Variants in METTL15 observed in about 807,000 individuals in gnomAD.
METTL15 encodes the protein 12S rRNA N(4)-cytidine methyltransferase METTL15.
Under a neutral mutation model 38.3 loss-of-function variants are expected in METTL15, and 34 were observed. That is an observed-to-expected ratio of 0.89 (90% CI 0.68 to 1.18). The LOEUF is 1.18. METTL15 is among the 50% of genes most tolerant of loss of function. The pLI, the probability that METTL15 is intolerant of heterozygous loss-of-function variation, is 0.00. For synonymous variants in METTL15, 162 were observed against 170.9 expected, an observed-to-expected ratio of 0.95 and a Z score of 0.41; for missense variants, 438 against 498.4, an observed-to-expected ratio of 0.88 and a Z score of 1.15.
At chr11:28,237,068 T>C (rs375304099) in intron 4 of METTL15, among the ~76,000 whole-genome samples, 9 of 152,128 alleles carry the variant, frequency 5.9e-5, no homozygotes, top group Non-Finnish European at 1.0e-4. Flanking sequence ...GTGAATCTGA[T>C]AATTATGTGT....
Position 28,363,441 on chromosome 11 carries a change from G to A in METTL15, c.*358+1405G>A, listed in dbSNP as rs553106689. 5.2e-4 allele frequency among the ~76,000 whole-genome samples: 79 copies of A among 152,122 alleles called. 1 individual carries two copies. Among genetic ancestry groups the A allele is most frequent in the Non-Finnish European group, 3.7e-4 (25 of 68,014 alleles). On this transcript the variant is annotated intron_variant and NMD_transcript_variant, in intron 5 of 7. Coordinates refer to the METTL15 transcript ENST00000532947. Reference sequence around the variant, plus strand: ...CCCGCCTTGGCCTCCCAAAGTGCTGGGATTACAGACATGAGCCACTGCACC... The same window carrying A: ...CCCGCCTTGGCCTCCCAAAGTGCTGAGATTACAGACATGAGCCACTGCACC...
chr11:28,512,857 G>A (rs1319720679), intron 6 of METTL15, among the ~76,000 whole-genome samples: 1 of 152,194 alleles, frequency 6.6e-6, no homozygotes, highest in African/African-American at 2.4e-5. Context: ...CTGAGAACGA[G>A]CAAGGGCTGC....
chr11:28,456,339 A>G (rs1851168698), intron 6 of METTL15, among the ~76,000 whole-genome samples: 1 of 152,048 alleles, frequency 6.6e-6, no homozygotes, highest in Non-Finnish European at 1.5e-5. Context: ...CTTGGTCAGA[A>G]GCAACACTTG....
chr11:28,282,182 A>G (rs1856080668), intron 4 of METTL15, among the ~76,000 whole-genome samples: 1 of 152,138 alleles, frequency 6.6e-6, no homozygotes, highest in Admixed American at 6.5e-5. Flanking sequence ...CCAGATTATC[A>G]TGTATTCACC....
intron 6 of METTL15, among the ~76,000 whole-genome samples, chr11:28,442,603 C>A (rs773530590): frequency 1.4e-4 from 22 of 152,064 alleles, no homozygotes; most frequent in Non-Finnish European, 2.4e-4. Flanking sequence ...CTTTACATTG[C>A]AAAATGCAAA....
intron 3 of METTL15, among the ~76,000 whole-genome samples, chr11:28,135,039 A>G (rs1849469966): frequency 6.6e-6 from 1 of 152,188 alleles, no homozygotes; most frequent in Non-Finnish European, 1.5e-5. Context: ...CTTCTGAGCT[A>G]CAGCCAGTTA....
chr11:28,117,230 T>C (rs1852002235), intron 3 of METTL15, among the ~76,000 whole-genome samples: 1 of 15,318 alleles, frequency 6.5e-5, no homozygotes, highest in African/African-American at 2.3e-4. Context: ...TACACCTATA[T>C]ATGTATGTGT....
Position 28,173,802 on chromosome 11 carries a change from G to A in METTL15, c.271-37260G>A, listed in dbSNP as rs147402414. Among the ~76,000 whole-genome samples the A allele has an allele frequency of 1.7e-3, 252 of 152,158 alleles. 1 individual carries two copies. Among genetic ancestry groups the A allele is most frequent in the African/African-American group, 5.7e-3 (235 of 41,518 alleles). ...TCAGACTTTGTTTTTGAAGACCTTCGTGGTTTTGAGATGTATACAATCAGG... is the reference window on the plus strand; with the variant it reads ...TCAGACTTTGTTTTTGAAGACCTTCATGGTTTTGAGATGTATACAATCAGG... On this transcript the variant is annotated intron_variant, in intron 3 of 6. Transcript: ENST00000407364.
chr11:28,335,708 C>T (rs1849894847), downstream of METTL15, among the ~76,000 whole-genome samples: 2 of 152,236 alleles, frequency 1.3e-5, no homozygotes, highest in African/African-American at 4.8e-5. Flanking sequence ...TAAAAAGAGC[C>T]TGGTTCCTCC....
chr11:28,518,752 C>T (rs2133509036), intron 6 of METTL15, among the ~76,000 whole-genome samples: 1 of 152,280 alleles, frequency 6.6e-6, no homozygotes, highest in Non-Finnish European at 1.5e-5. Context: ...TAGAGGCAAC[C>T]TTTGGCTTAG....
Position 28,113,479 on chromosome 11 carries a change from A to C in METTL15, c.145A>C (p.Thr49Pro). 1 of 1,612,716 alleles carries C rather than the reference A, an allele frequency of 6.2e-7. No individual in the cohort carries two copies. The part of the protein sequence containing the change: ...KYREYEAREQ[T>P]DQTQAQELHR... ...TAGAGAATATGAAGCCCGGGAGCAA[A>C]CAGATCAAACTCAAGCCCAGGAGTT... The change falls in exon 3 of 7, where the codon ACA (threonine) becomes CCA (proline). Residue 49 changes from threonine (T) to proline (P), a missense_variant. Thr to Pro is a conservative substitution (Grantham distance 38, BLOSUM62 -1). Transcript: ENST00000407364.
chr11:28,378,500 C>A (rs1056364236), intron 5 of METTL15, among the ~76,000 whole-genome samples: 1 of 152,216 alleles, frequency 6.6e-6, no homozygotes, highest in African/African-American at 2.4e-5. Context: ...GGCAATGCCT[C>A]GCCCTGCTTC....
At chr11:28,413,402 C>G (rs1850746056) in intron 5 of METTL15, among the ~76,000 whole-genome samples, 1 of 152,034 alleles carries the variant, frequency 6.6e-6, no homozygotes, top group Non-Finnish European at 1.5e-5. Flanking sequence ...CACATTTCCA[C>G]TTAAAAAAAG....
At chr11:28,372,858 G>T (rs1479847147) in intron 5 of METTL15, among the ~76,000 whole-genome samples, 2 of 142,100 alleles carry the variant, frequency 1.4e-5, no homozygotes, top group Non-Finnish European at 3.0e-5. Flanking sequence ...CTATGAGTGA[G>T]AATATGCGGT....
intron 4 of METTL15, among the ~76,000 whole-genome samples, chr11:28,285,599 A>T (rs1856227131): frequency 6.6e-6 from 1 of 152,166 alleles, no homozygotes; most frequent in African/African-American, 2.4e-5. Context: ...ATGGGTTCTT[A>T]TAACTTAAAA....
intron 3 of METTL15, chr11:28,125,910 A>G (rs1852462046): frequency 6.6e-6 from 1 of 152,154 alleles, no homozygotes; most frequent in African/African-American, 2.4e-5. Context: ...TCTACGCATC[A>G]GTGGAATTCT....
intron 3 of METTL15, among the ~76,000 whole-genome samples, chr11:28,178,329 T>C (rs1224502528): frequency 1.3e-5 from 2 of 151,986 alleles, no homozygotes; most frequent in Admixed American, 6.6e-5. Context: ...AATGTATCAG[T>C]TATTTTAACA....
At chr11:28,221,060 A>C (rs1226562840) in intron 4 of METTL15, among the ~76,000 whole-genome samples, 2 of 151,968 alleles carry the variant, frequency 1.3e-5, no homozygotes, top group Non-Finnish European at 2.9e-5. Flanking sequence ...ATTCTCGTGG[A>C]GTATCTTTGT....
intron 6 of METTL15, among the ~76,000 whole-genome samples, chr11:28,311,287 T>G (rs1017750534): frequency 6.6e-6 from 1 of 152,218 alleles, no homozygotes; most frequent in African/African-American, 2.4e-5. Context: ...ATTATCAATT[T>G]TGGAAATGTC....
Sources: gnomAD v4.1 joint callset for allele counts (sites outside exome capture counted in the v4.1 genomes callset) on GRCh38, gnomAD v4.1.1 for gene constraint, MANE v1.5 for transcripts, NCBI Gene and HGNC (gene_info 2026-07-23, HGNC 2026-07-21) for gene names.